Variants in NAALADL2 observed in about 807,000 individuals in gnomAD.
NAALADL2 encodes the protein inactive N-acetylated-alpha-linked acidic dipeptidase-like protein 2.
A neutral mutation model predicts 87.2 loss-of-function variants in NAALADL2; 76 were observed. The observed-to-expected ratio is 0.87, with a 90% confidence interval of 0.72 to 1.05. The LOEUF is 1.05. Among genes scored for constraint, NAALADL2 ranks in the 50% least tolerant of loss-of-function variants. The pLI is 0.00. For synonymous variants in NAALADL2, 354 were observed against 331.0 expected (o/e 1.07, Z -0.75); for missense variants, 1,089 against 945.8 (o/e 1.15, Z -1.99).
At chr3:174,543,836 T>C (rs1309496454) in intron 1 of NAALADL2, among the ~76,000 whole-genome samples, 3 of 151,842 alleles carry the variant, frequency 2.0e-5, no homozygotes, top group African/African-American at 7.3e-5. Flanking sequence ...GACAAAACCC[T>C]GTCTCTACTA....
chr3:175,010,322 G>T (rs1458668221), intron 1 of NAALADL2, among the ~76,000 whole-genome samples: 1 of 152,028 alleles, frequency 6.6e-6, no homozygotes, highest in African/African-American at 2.4e-5. Flanking sequence ...GCCAATTATG[G>T]CACATCTTTC....
rs74539138 is a variant in NAALADL2 at position 175,749,141 on chromosome 3, G to A, written c.1991-6079G>A. 5.9e-4 allele frequency among the ~76,000 whole-genome samples: 71 copies of A among 120,316 alleles called. 2 individuals are homozygous for A. The South Asian group carries it at 0.02, about 33-fold the overall frequency. The allele number at this position is 120,316 out of a possible 152,430, so 78.9% of individuals were successfully genotyped here. On this transcript the variant is annotated intron_variant, in intron 12 of 13. Transcript: ENST00000454872. The stretch of plus-strand genomic sequence containing the variant: ...GGAAGGGAGGGGAGGAGAAGGGAGC[G>A]GAGGGGAAGGGAGGGGAGGGGAAGG...
intron 1 of NAALADL2, among the ~76,000 whole-genome samples, chr3:175,019,393 G>A (rs1217893361): frequency 6.6e-6 from 1 of 152,022 alleles, no homozygotes; most frequent in Admixed American, 6.6e-5. Context: ...GTCAGCAGCT[G>A]CATATTCATC....
chr3:175,670,504 T>A lies in NAALADL2; in HGVS notation c.1896+43118T>A, dbSNP rs988360603. Among the ~76,000 whole-genome samples the A allele has an allele frequency of 1.0e-3, 56 of 54,706 alleles. 1 individual carries two copies. Among genetic ancestry groups the A allele is most frequent in the African/African-American group, 5.2e-3 (52 of 9,982 alleles). The allele number at this position is 54,706 out of a possible 152,430, so 35.9% of individuals were successfully genotyped here. A position where few individuals can be genotyped will look rare whatever the true frequency, so the allele number is the denominator to read the frequency against. ...TATATTAAATGTAAATTTAATATAT[T>A]TATATTAAATTTATATTAAATGTAA... is the stretch of plus-strand genomic sequence containing the variant. On this transcript the variant is annotated intron_variant, in intron 11 of 13. Coordinates refer to ENST00000454872, the MANE Select transcript of NAALADL2 (RefSeq NM_207015.3).
intron 3 of NAALADL2, among the ~76,000 whole-genome samples, chr3:174,829,177 C>T (rs932159146): frequency 1.9e-4 from 29 of 151,718 alleles, no homozygotes; most frequent in Admixed American, 6.6e-4. Flanking sequence ...AGGTTAGTTA[C>T]ATATGTATAC....
At chr3:175,561,740 C>T (rs1301844660) in intron 9 of NAALADL2, among the ~76,000 whole-genome samples, 2 of 152,164 alleles carry the variant, frequency 1.3e-5, no homozygotes, top group African/African-American at 4.8e-5. Context: ...CTTTATCCTC[C>T]CCTCATAGAC....
At chr3:175,467,881 G>A (rs113681651) in intron 8 of NAALADL2, among the ~76,000 whole-genome samples, 6 of 152,134 alleles carry the variant, frequency 3.9e-5, no homozygotes, top group African/African-American at 1.4e-4. Context: ...TATTTTTAAT[G>A]GAATATGATA....
intron 9 of NAALADL2, among the ~76,000 whole-genome samples, chr3:175,557,407 TAA>T (rs1715457946): frequency 1.3e-5 from 2 of 152,186 alleles, no homozygotes; most frequent in African/African-American, 2.4e-5. Flanking sequence ...ACAATCCAAT[TAA>T]ACTCTTTTAG....
chr3:175,300,756 T>TA (rs1179519550), intron 4 of NAALADL2, among the ~76,000 whole-genome samples: 3 of 118,982 alleles, frequency 2.5e-5, no homozygotes, highest in Non-Finnish European at 5.2e-5. Flanking sequence ...TTTATTTATT[T>TA]TTATTTATTT....
intron 1 of NAALADL2, among the ~76,000 whole-genome samples, chr3:175,076,946 G>A: frequency 6.6e-6 from 1 of 152,140 alleles, no homozygotes; most frequent in South Asian, 2.1e-4. Context: ...TTGGCATATG[G>A]TGTTCTATAA....
chr3:175,791,064 C>A (rs1031349745), intron 13 of NAALADL2, among the ~76,000 whole-genome samples: 1 of 152,146 alleles, frequency 6.6e-6, no homozygotes, highest in Non-Finnish European at 1.5e-5. Context: ...ATCTCTTAAG[C>A]ACCTTTAAAA....
At chr3:174,743,341 T>C (rs1378106297) in intron 3 of NAALADL2, among the ~76,000 whole-genome samples, 1 of 151,796 alleles carries the variant, frequency 6.6e-6, no homozygotes, top group Non-Finnish European at 1.5e-5. Flanking sequence ...TTTATACCAT[T>C]GTAAGTGAAA....
At chr3:175,532,174 T>C (rs1002046579) in intron 9 of NAALADL2, among the ~76,000 whole-genome samples, 1 of 152,130 alleles carries the variant, frequency 6.6e-6, no homozygotes, top group Non-Finnish European at 1.5e-5. Flanking sequence ...TAAAACTCCA[T>C]TAATTACCTG....
intron 2 of NAALADL2, among the ~76,000 whole-genome samples, chr3:175,143,322 T>C (rs1001392441): frequency 1.3e-5 from 2 of 151,928 alleles, no homozygotes; most frequent in African/African-American, 2.4e-5. Flanking sequence ...TGCAGTGATA[T>C]ATGCTAGGCA....
chr3:174,713,543 T>C (rs1424667261), intron 2 of NAALADL2, among the ~76,000 whole-genome samples: 2 of 152,256 alleles, frequency 1.3e-5, no homozygotes, highest in Non-Finnish European at 2.9e-5. Context: ...TTTGCATTTC[T>C]CTGATGGCCA....
chr3:174,997,007 T>G (rs1434703975), intron 1 of NAALADL2, among the ~76,000 whole-genome samples: 2 of 131,130 alleles, frequency 1.5e-5, no homozygotes, highest in African/African-American at 6.1e-5. Flanking sequence ...TGTGTGTGTG[T>G]GTGTGTGTGT....
At chr3:175,123,505 C>A (rs9882132) in intron 2 of NAALADL2, among the ~76,000 whole-genome samples, 91,837 of 151,766 alleles carry the variant, frequency 0.61, 28,306 homozygotes, top group African/African-American at 0.73. Context: ...TTACAGAAAA[C>A]TATCCAAATT....
intron 2 of NAALADL2, among the ~76,000 whole-genome samples, chr3:175,209,663 A>G (rs1455143946): frequency 6.6e-6 from 1 of 151,898 alleles, no homozygotes; most frequent in East Asian, 1.9e-4. Flanking sequence ...ACATGCTGCC[A>G]GCTTACGGTG....
At chr3:174,682,252 G>A (rs1393421886) in intron 2 of NAALADL2, among the ~76,000 whole-genome samples, 2 of 152,196 alleles carry the variant, frequency 1.3e-5, no homozygotes, top group Non-Finnish European at 2.9e-5. Context: ...TAGAACATGA[G>A]GGAGTTTCCT....
Sources: gnomAD v4.1 joint callset for allele counts (sites outside exome capture counted in the v4.1 genomes callset) on GRCh38, gnomAD v4.1.1 for gene constraint, MANE v1.5 for transcripts, NCBI Gene and HGNC (gene_info 2026-07-23, HGNC 2026-07-21) for gene names.